Variants in MYBBP1A observed in about 807,000 individuals in gnomAD.
MYBBP1A encodes MYB binding protein 1a.
A neutral mutation model predicts 136.3 loss-of-function variants in MYBBP1A; 147 were observed. The ratio of observed to expected loss-of-function variants is 1.08; its 90% CI spans 0.94 to 1.24. MYBBP1A has a LOEUF of 1.24. Ranked by LOEUF, MYBBP1A falls within the 50% of genes most tolerant of loss-of-function variation. The pLI is 0.00. For missense variants in MYBBP1A, 2,060 were observed against 1,727.4 expected (o/e 1.19, Z -3.41); for synonymous variants, 947 against 735.8 (o/e 1.29, Z -4.65).
rs1906260654 is a variant in MYBBP1A at position 4,540,221 on chromosome 17, T to TGTGTGCAGCAGCATGC, written c.3434+111_3434+126dup. Reference sequence around the variant, plus strand: ...ATCTGAGAATGCGCTTGAGTGCATGTGTGTGCAGCAGCATGCGTGTGCAGT... The same window carrying TGTGTGCAGCAGCATGC: ...ATCTGAGAATGCGCTTGAGTGCATGTGTGTGCAGCAGCATGCGTGTGCAGCAGCATGCGTGTGCAGT... On this transcript the variant is annotated intron_variant, in intron 25 of 25. Coordinates refer to ENST00000254718, the MANE Select transcript of MYBBP1A (RefSeq NM_014520.4). 1.1e-5 allele frequency: 14 copies of TGTGTGCAGCAGCATGC among 1,318,960 alleles called. No homozygotes were observed. In the East Asian group the frequency reaches 2.4e-4, roughly 23 times the overall value. The allele number at this position is 1,318,960 out of a possible 1,614,324, so 81.7% of individuals were successfully genotyped here. A position where few individuals can be genotyped will look rare whatever the true frequency, so the allele number is the denominator to read the frequency against.
chr17:4,543,078 C>A lies in MYBBP1A; in HGVS notation c.2727G>T (p.Gln909His). The stretch of plus-strand genomic sequence containing the variant: ...GGGAGTCGGGCTGGCGGCCAGCCTG[C>A]TGCACCAACCGCTCCACCTGGGCGT... ...ALHAQVERLVQQAGRQPDSPT... is the reference protein window; with the variant it reads ...ALHAQVERLVHQAGRQPDSPT... Residue 909 changes from glutamine (Q) to histidine (H), a missense_variant, in exon 20 of 26, where the codon CAG becomes CAT. Physicochemically the swap from Gln to His is conservative, Grantham distance 24. Coordinates refer to ENST00000254718, the MANE Select transcript of MYBBP1A (RefSeq NM_014520.4). The A allele has an allele frequency of 1.4e-5, 23 of 1,613,194 alleles. No individual in the cohort carries two copies. The highest frequency in any genetic ancestry group is 1.9e-5 in the Non-Finnish European group (22 of 1,179,936).
In MYBBP1A at chr17:4,545,753, C is replaced by A; in HGVS notation, c.1930G>T (p.Glu644Ter). ...ACCAGCACCTCTACCCACGGGGGTT[C>A]CTGGGGGTCTGCAAGAGGGAGGGGT... ...RSRTKTIDPQ[E>*]PPWVEVLVEI... Residue 644 changes from glutamate to a stop codon, truncating the protein, a stop_gained, in exon 15 of 26, where the codon GAA becomes TAA. Coordinates refer to ENST00000254718, the MANE Select transcript of MYBBP1A (RefSeq NM_014520.4). LOFTEE classifies it high-confidence loss of function. The A allele has an allele frequency of 6.2e-7, 1 of 1,606,230 alleles. No homozygotes were observed.
rs1907758717 is a variant in MYBBP1A at position 4,553,825 on chromosome 17, C to CA, written c.545dup (p.Asp183GlyfsTer31). The CA allele has an allele frequency of 1.2e-6, 2 of 1,614,002 alleles. No homozygotes were observed. Among genetic ancestry groups the CA allele is most frequent in the African/African-American group, 2.7e-5 (2 of 75,032 alleles). On this transcript the variant is annotated frameshift_variant, in exon 5 of 26. Transcript: ENST00000254718. LOFTEE classifies it high-confidence loss of function. ...GAGCTCATACCTCGGAGAGGATGTC[C>CA]ACCAGGGCCTTCCGGGGCTGCTCCT...
intron 18 of MYBBP1A, 44 bp from the exon 19 acceptor site, chr17:4,544,690 A>G (rs1318915771): frequency 1.3e-6 from 1 of 742,306 alleles, no homozygotes. Flanking sequence ...GTGGGCGCAC[A>G]GGGAGGCGGG....
rs1420895481 is a variant in MYBBP1A, at chr17:4,547,943, C to A, written c.1824+15G>T. 1 of 1,469,050 alleles carries A rather than the reference C, an allele frequency of 6.8e-7. No individual in the cohort carries two copies. Among genetic ancestry groups the A allele is most frequent in the East Asian group, 2.5e-5 (1 of 40,152 alleles). The allele number at this position is 1,469,050 out of a possible 1,614,324, so 91.0% of individuals were successfully genotyped here. The stretch of plus-strand genomic sequence containing the variant: ...AACCCCAGGCTCACAGCCCCTCCCT[C>A]CCAGGCCCCAGTACCTTGAGGAGGT... On this transcript the variant is annotated intron_variant, in intron 13 of 25. Coordinates refer to ENST00000254718, the MANE Select transcript of MYBBP1A (RefSeq NM_014520.4).
chr17:4,548,336 C>T lies in MYBBP1A; in HGVS notation c.1557-26G>A. 6.2e-7 allele frequency: 1 copy of T among 1,609,302 alleles called. No individual in the cohort carries two copies. On this transcript the variant is annotated intron_variant, in intron 11 of 25. Coordinates refer to ENST00000254718, the MANE Select transcript of MYBBP1A (RefSeq NM_014520.4). This position sits in a 1 kb window ranked among gnomAD's most constrained non-coding sequence, Gnocchi z 4.2. ...CTGGGCAAGGGATGGGGCTTGGGGT[C>T]AGCAGACCAGATGAGTCAATGTAGC...
At position 4,555,269 on chromosome 17, in the gene MYBBP1A, C is replaced by T; in HGVS notation, c.56G>A (p.Gly19Asp). ...PMSPGEATQS[G>D]ARPADRYGLL... is the part of the protein sequence containing the mutation. The stretch of plus-strand genomic sequence containing the variant: ...GCCATAGCGGTCGGCAGGCCGGGCG[C>T]CACTCTGCGTCGCTTCTCCAGGCGA... The change falls in exon 1 of 26, where the codon GGC becomes GAC. Residue 19 changes from glycine (G) to aspartate (D), a missense_variant. By Grantham distance (94) the Gly-to-Asp change is moderately conservative. Transcript: ENST00000254718. The T allele has an allele frequency of 2.5e-6, 4 of 1,611,378 alleles. No individual in the cohort carries two copies. Among genetic ancestry groups the T allele is most frequent in the Non-Finnish European group, 3.4e-6 (4 of 1,179,362 alleles).
At chr17:4,553,493 C>T (rs1299336995) in intron 5 of MYBBP1A, among the ~76,000 whole-genome samples, 1 of 152,216 alleles carries the variant, frequency 6.6e-6, no homozygotes, top group Non-Finnish European at 1.5e-5. Context: ...CTAATCTGAA[C>T]AGGGGTGTGC....
At position 4,545,336 on chromosome 17, in the gene MYBBP1A, G is replaced by T. The variant is rs552635057; in HGVS notation, c.2083C>A (p.Pro695Thr). Residue 695 changes from proline to threonine, a missense_variant, in exon 16 of 26, where the codon CCC becomes ACC. Transcript: ENST00000254718. Reference sequence around the variant, plus strand: ...TCATTCTCATCCTCACTGGTCTCGGGGTTCAGCACCTGGGGAGGGGTGCCA... The same window carrying T: ...TCATTCTCATCCTCACTGGTCTCGGTGTTCAGCACCTGGGGAGGGGTGCCA... ...ALQLILDVLNPETSEDENDRV... is the reference protein window; with the variant it reads ...ALQLILDVLNTETSEDENDRV... 1 of 1,613,086 alleles carries T rather than the reference G, an allele frequency of 6.2e-7. No homozygotes were observed. The highest frequency in any genetic ancestry group is 8.5e-7 in the Non-Finnish European group (1 of 1,179,946).
At position 4,544,623 on chromosome 17, in the gene MYBBP1A, T is replaced by C. The variant is rs1282061173; in HGVS notation, c.2505A>G (p.Leu835=). ...GGGCATTCTCGGGCTGCTTGGTCAC[T>C]AGCACCTCCACCAGGTCCAGCACCT... ...QIRVLDLVEV[L]VTKQPENALV... is the part of the protein sequence containing the mutation. Residue 835 remains leucine (L), a synonymous_variant, in exon 19 of 26, where the codon CTA becomes CTG. Transcript: ENST00000254718. 1.3e-6 allele frequency: 2 copies of C among 1,590,070 alleles called. No homozygotes were observed. The highest frequency in any genetic ancestry group is 1.7e-5 in the Admixed American group (1 of 57,894).
rs181655277 is a variant in MYBBP1A, at chr17:4,550,890, T to C, written c.1024-537A>G. Among the ~76,000 whole-genome samples the C allele has an allele frequency of 2.3e-4, 35 of 152,370 alleles. 1 individual carries two copies. The highest frequency in any genetic ancestry group is 7.7e-4 in the African/African-American group (32 of 41,586). On this transcript the variant is annotated intron_variant, in intron 8 of 25. Coordinates refer to ENST00000254718, the MANE Select transcript of MYBBP1A (RefSeq NM_014520.4). ...TTAGCAACTCTTTGCGGTTGGCCAA[T>C]ATTGTCATTGCACAGGTGAGTACAG...
chr17:4,550,461 C>G, intron 8 of MYBBP1A, 108 bp from the exon 9 acceptor site: 1 of 1,255,086 alleles, frequency 8.0e-7, no homozygotes, highest in South Asian at 1.4e-5. Flanking sequence ...CCCAACAGCC[C>G]GGGGGCAGGC....
At position 4,555,284 on chromosome 17, in the gene MYBBP1A, T is replaced by C; in HGVS notation, c.41A>G (p.Glu14Gly). Residue 14 changes from glutamate to glycine, a missense_variant, in exon 1 of 26, where the codon GAA (glutamate) becomes GGA (glycine). Physicochemically the swap from Glu to Gly is moderately conservative, Grantham distance 98 (BLOSUM62 -2). Transcript: ENST00000254718. ...RDPAQPMSPG[E>G]ATQSGARPAD... ...AGGCCGGGCGCCACTCTGCGTCGCTTCTCCAGGCGACATCGGCTGGGCGGG... is the reference window on the plus strand; with the variant it reads ...AGGCCGGGCGCCACTCTGCGTCGCTCCTCCAGGCGACATCGGCTGGGCGGG... The C allele has an allele frequency of 6.2e-7, 1 of 1,610,346 alleles. No individual in the cohort carries two copies. The highest frequency in any genetic ancestry group is 8.5e-7 in the Non-Finnish European group (1 of 1,179,020).
Position 4,544,563 on chromosome 17 carries a change from G to T in MYBBP1A, c.2565C>A (p.Ile855=), listed in dbSNP as rs1269039163. ...VLELLEPLLS[I]IRRSLRSSSS... ...TGCTGCTGCGCAGGCTGCGCCGGAT[G>T]ATGCTCAGCAGCGGCTCCAGCAGCT... Residue 855 remains isoleucine, a synonymous_variant, in exon 19 of 26, where the codon ATC becomes ATA. Coordinates refer to ENST00000254718, the MANE Select transcript of MYBBP1A (RefSeq NM_014520.4). 3.8e-6 allele frequency: 6 copies of T among 1,570,024 alleles called. No individual in the cohort carries two copies. In the South Asian group the frequency reaches 7.0e-5, roughly 18 times the overall value.
At position 4,545,179 on chromosome 17, in the gene MYBBP1A, T is replaced by C; in HGVS notation, c.2161-4A>G. ...CCTCACCTTCCTCGCTCTTGTCCTGTGTGGTAGAGGCAGGCGCGTCACACA... is the reference window on the plus strand; with the variant it reads ...CCTCACCTTCCTCGCTCTTGTCCTGCGTGGTAGAGGCAGGCGCGTCACACA... On this transcript the variant is annotated splice_region_variant and splice_polypyrimidine_tract_variant and intron_variant, in intron 16 of 25. Coordinates refer to ENST00000254718, the MANE Select transcript of MYBBP1A (RefSeq NM_014520.4). 6.2e-7 allele frequency: 1 copy of C among 1,613,426 alleles called. No homozygotes were observed. Among genetic ancestry groups the C allele is most frequent in the Non-Finnish European group, 8.5e-7 (1 of 1,179,954 alleles).
rs1311791712 is a variant in MYBBP1A at position 4,540,257 on chromosome 17, A to AGCAGCATGTGT, written c.3434+90_3434+91insACACATGCTGC. ...GCATGCGTGTGCAGTGTGCGTGTGC[A>AGCAGCATGTGT]GCAGCGTGTGTGCAGCGTGTGTGTG... On this transcript the variant is annotated intron_variant, in intron 25 of 25. Coordinates refer to ENST00000254718, the MANE Select transcript of MYBBP1A (RefSeq NM_014520.4). 30 of 1,466,676 alleles carry AGCAGCATGTGT rather than the reference A, an allele frequency of 2.0e-5. No homozygotes were observed. In the African/African-American group the frequency reaches 3.4e-4, roughly 16 times the overall value. The allele number at this position is 1,466,676 out of a possible 1,614,324, so 90.9% of individuals were successfully genotyped here.
At chr17:4,549,211 C>T in intron 10 of MYBBP1A, 121 bp downstream of exon 10, 1 of 781,728 alleles carries the variant, frequency 1.3e-6, no homozygotes, top group East Asian at 2.8e-5. Flanking sequence ...TGTGCCTGCC[C>T]CCCACTGATG....
chr17:4,547,668 C>T, intron 13 of MYBBP1A: 2 of 376,698 alleles, frequency 5.3e-6, no homozygotes, highest in Non-Finnish European at 9.5e-6. Context: ...GTGCAAGCTC[C>T]TTTGCCTCTG....
intron 15 of MYBBP1A, 83 bp downstream of exon 15, chr17:4,545,527 T>G: frequency 6.6e-7 from 1 of 1,520,670 alleles, no homozygotes. Flanking sequence ...GCAGGGAGGC[T>G]GGAGGCTGAA....
Sources: gnomAD v4.1 joint callset for allele counts (sites outside exome capture counted in the v4.1 genomes callset) on GRCh38, gnomAD v4.1.1 for gene constraint, Gnocchi (gnomAD v3.1) non-coding constraint, MANE v1.5 for transcripts, NCBI Gene and HGNC (gene_info 2026-07-23, HGNC 2026-07-21) for gene names.